The following CPED1 variants were observed in gnomAD, a reference collection of about 807,000 sequenced individuals.
The protein encoded by CPED1 is cadherin-like and PC-esterase domain-containing protein 1.
Under a neutral mutation model 128.2 loss-of-function variants are expected in CPED1, and 114 were observed. The ratio of observed to expected loss-of-function variants is 0.89; its 90% CI spans 0.76 to 1.04. CPED1 has a LOEUF of 1.04. CPED1 is among the 50% of genes least tolerant of loss of function. The pLI, the probability that CPED1 is intolerant of heterozygous loss-of-function variation, is 0.00. For synonymous variants in CPED1, 462 were observed against 426.7 expected (o/e 1.08, Z -1.02); for missense variants, 1,211 against 1,207.1 (o/e 1.00, Z -0.05).
intron 3 of CPED1, among the ~76,000 whole-genome samples, chr7:121,024,809 T>C (rs1002312319): frequency 4.6e-5 from 7 of 152,126 alleles, no homozygotes; most frequent in Non-Finnish European, 1.0e-4. Context: ...CCGAATTACA[T>C]TTAGATTGAG....
intron 22 of CPED1, among the ~76,000 whole-genome samples, chr7:121,279,255 C>CTT (rs5887028): frequency 2.0e-4 from 30 of 151,406 alleles, no homozygotes; most frequent in South Asian, 1.2e-3. Context: ...ATGACTTTTC[C>CTT]TTATTTTTTT....
intron 22 of CPED1, 124 bp from the exon 23 acceptor site, chr7:121,295,316 T>C: frequency 8.5e-7 from 1 of 1,175,240 alleles, no homozygotes; most frequent in South Asian, 1.6e-5. Context: ...GTTATGTAAG[T>C]CATAGTCATG....
At chr7:121,269,949 G>A (rs1199549111) in intron 21 of CPED1, among the ~76,000 whole-genome samples, 1 of 152,116 alleles carries the variant, frequency 6.6e-6, no homozygotes. Context: ...ATGACAGAAG[G>A]CTAAGGGAGA....
At chr7:121,171,792 A>G (rs1345033928) in intron 16 of CPED1, among the ~76,000 whole-genome samples, 1 of 152,176 alleles carries the variant, frequency 6.6e-6, no homozygotes, top group Non-Finnish European at 1.5e-5. Flanking sequence ...GAAATCTAAC[A>G]ATGCCTAGGA....
At chr7:121,040,357 C>T (rs1325050057) in intron 3 of CPED1, among the ~76,000 whole-genome samples, 1 of 152,044 alleles carries the variant, frequency 6.6e-6, no homozygotes, top group Non-Finnish European at 1.5e-5. Flanking sequence ...GTTTCTTGTC[C>T]TTAAAGAACA....
chr7:121,186,599 A>G (rs541133581), intron 16 of CPED1, among the ~76,000 whole-genome samples: 1 of 152,292 alleles, frequency 6.6e-6, no homozygotes, highest in South Asian at 2.1e-4. Flanking sequence ...ATCAAATGTT[A>G]TAGATACCTG....
chr7:121,264,555 T>C (rs941226994), intron 18 of CPED1, among the ~76,000 whole-genome samples: 7 of 152,020 alleles, frequency 4.6e-5, no homozygotes, highest in African/African-American at 1.4e-4. Flanking sequence ...TGAAGGCAAA[T>C]TGGAGAAGCT....
At chr7:120,992,439 G>GGT (rs1796323737) in intron 2 of CPED1, among the ~76,000 whole-genome samples, 1 of 152,058 alleles carries the variant, frequency 6.6e-6, no homozygotes, top group Non-Finnish European at 1.5e-5. Flanking sequence ...CTGTAATGTA[G>GGT]GTGTATGTGA....
chr7:121,102,123 T>C (rs1794864575), intron 7 of CPED1, among the ~76,000 whole-genome samples: 3 of 152,188 alleles, frequency 2.0e-5, no homozygotes, highest in Admixed American at 2.0e-4. Context: ...TTTTACCATA[T>C]TTCCTCTTTG....
At chr7:121,175,342 G>T (rs991559539) in intron 16 of CPED1, among the ~76,000 whole-genome samples, 31 of 152,048 alleles carry the variant, frequency 2.0e-4, no homozygotes, top group African/African-American at 7.5e-4. Flanking sequence ...TATGATGTTG[G>T]CTGTGGATCT....
At chr7:121,231,589 C>T (rs17284988) in intron 16 of CPED1, among the ~76,000 whole-genome samples, 70,783 of 151,862 alleles carry the variant, frequency 0.47, 19,089 homozygotes, top group East Asian at 0.88. Context: ...TTTTTGCCGG[C>T]GTCACTGACA....
intron 10 of CPED1, among the ~76,000 whole-genome samples, chr7:121,127,539 CTT>C (rs67688816): frequency 0.31 from 42,001 of 134,146 alleles, 5,337 homozygotes; most frequent in Middle Eastern, 0.45. Context: ...CTTTTTCTTT[CTT>C]TTTTTTTTTT....
intron 16 of CPED1, among the ~76,000 whole-genome samples, chr7:121,171,477 A>G (rs1037520166): frequency 6.6e-6 from 1 of 152,220 alleles, no homozygotes; most frequent in Non-Finnish European, 1.5e-5. Flanking sequence ...GCTTTTATTC[A>G]TATGATTGCA....
intron 16 of CPED1, among the ~76,000 whole-genome samples, chr7:121,187,278 G>C (rs1027308737): frequency 1.3e-5 from 2 of 152,218 alleles, no homozygotes; most frequent in African/African-American, 4.8e-5. Flanking sequence ...TCACTGCGAA[G>C]GGTGTATTTC....
At chr7:121,022,711 T>C (rs1030831437) in intron 3 of CPED1, among the ~76,000 whole-genome samples, 1 of 152,054 alleles carries the variant, frequency 6.6e-6, no homozygotes, top group East Asian at 1.9e-4. Flanking sequence ...TGCTCTCTGG[T>C]AAAAGTAAGT....
intron 18 of CPED1, among the ~76,000 whole-genome samples, chr7:121,249,262 GT>G (rs1798612425): frequency 1.3e-5 from 2 of 152,142 alleles, no homozygotes; most frequent in Admixed American, 1.3e-4. Context: ...TGATGATATA[GT>G]TCATGAAAAT....
chr7:121,026,438 A>G (rs1792583068), intron 3 of CPED1, among the ~76,000 whole-genome samples: 1 of 151,996 alleles, frequency 6.6e-6, no homozygotes, highest in Admixed American at 6.6e-5. Context: ...ACACTCCCCT[A>G]TTGTTTTCTG....
At chr7:121,103,821 G>A (rs1794909050) in intron 7 of CPED1, among the ~76,000 whole-genome samples, 1 of 152,102 alleles carries the variant, frequency 6.6e-6, no homozygotes, top group South Asian at 2.1e-4. Context: ...GAACATTCTG[G>A]CAGCTAAAGA....
chr7:121,124,399 A>T lies in CPED1; in HGVS notation c.987A>T (p.Glu329Asp). Reference protein sequence around the residue: ...SPQQAFDIMKEAIGKLLLAAE... With the variant: ...SPQQAFDIMKDAIGKLLLAAE... ...AACAGGCTTTTGACATTATGAAGGA[A>T]GCAATTGGCAAACTACTGCTAGCGG... The change falls in exon 8 of 23, where the codon GAA becomes GAT. Residue 329 changes from glutamate to aspartate, a missense_variant. Transcript: ENST00000310396. 3 of 1,608,664 alleles carry T rather than the reference A, an allele frequency of 1.9e-6. No homozygotes were observed. The highest frequency in any genetic ancestry group is 2.5e-6 in the Non-Finnish European group (3 of 1,176,666).
Sources: allele counts gnomAD v4.1 joint callset (sites outside exome capture counted in the v4.1 genomes callset), GRCh38; gene constraint gnomAD v4.1.1; transcripts MANE v1.5; gene names NCBI Gene and HGNC (gene_info 2026-07-23, HGNC 2026-07-21).